TRIM33: variants seen among roughly 807,000 people sequenced by gnomAD.
TRIM33 encodes E3 ubiquitin-protein ligase TRIM33.
In TRIM33, 20 loss-of-function variants were observed where a neutral mutation model predicts 125.4. That is an observed-to-expected ratio of 0.16 (90% confidence interval 0.11 to 0.23). The LOEUF is 0.23. Ranked by LOEUF, TRIM33 falls within the 10% of genes least tolerant of loss-of-function variation. The pLI is 1.00. For missense variants in TRIM33, 920 were observed against 1,411.4 expected (o/e 0.65, Z 5.58); for synonymous variants, 564 against 513.9 (o/e 1.10, Z -1.32).
chr1:114,452,391 C>A (rs1015996578), intron 4 of TRIM33, among the ~76,000 whole-genome samples: 1 of 151,946 alleles, frequency 6.6e-6, no homozygotes, highest in East Asian at 1.9e-4. Flanking sequence ...AACCGGGAGG[C>A]GGAGGTTGCA....
intron 1 of TRIM33, among the ~76,000 whole-genome samples, chr1:114,494,299 G>A (rs1297617913): frequency 6.6e-6 from 1 of 152,042 alleles, no homozygotes; most frequent in Non-Finnish European, 1.5e-5. Flanking sequence ...TTCTGCCACT[G>A]AATGGATCTG....
chr1:114,402,105 A>G (rs1205104113), intron 16 of TRIM33, among the ~76,000 whole-genome samples: 1 of 152,198 alleles, frequency 6.6e-6, no homozygotes, highest in Non-Finnish European at 1.5e-5. Context: ...CCACACGACA[A>G]TGCAAAAGAG....
In TRIM33 at chr1:114,434,089, G is replaced by C. The variant is rs946186382; in HGVS notation, c.924-356C>G. Among the ~76,000 whole-genome samples the C allele has an allele frequency of 2.6e-5, 4 of 152,152 alleles. No individual in the cohort carries two copies. In the South Asian group the frequency reaches 8.3e-4, roughly 32 times the overall value. On this transcript the variant is annotated intron_variant, in intron 4 of 19. Coordinates refer to ENST00000358465, the MANE Select transcript of TRIM33 (RefSeq NM_015906.4). ...TTATAGAAAATACTATAAAAGGAAGGGAAATCACCCATAGTTCCAACATCA... is the reference window on the plus strand; with the variant it reads ...TTATAGAAAATACTATAAAAGGAAGCGAAATCACCCATAGTTCCAACATCA...
chr1:114,495,416 C>A (rs1316594044), intron 1 of TRIM33, among the ~76,000 whole-genome samples: 1 of 152,106 alleles, frequency 6.6e-6, no homozygotes, highest in African/African-American at 2.4e-5. Flanking sequence ...AATATTATCA[C>A]CCTGAAATAA....
chr1:114,413,512 C>T (rs1384069548), intron 11 of TRIM33, among the ~76,000 whole-genome samples: 2 of 139,596 alleles, frequency 1.4e-5, no homozygotes, highest in African/African-American at 5.4e-5. Flanking sequence ...GAGTCAAGAT[C>T]GTGCTATTGC....
Position 114,397,773 on chromosome 1 carries a change from C to A in TRIM33, c.3259G>T (p.Ala1087Ser), listed in dbSNP as rs939382474. ...TCCTGCTCAAACTCTGGCAAAGGTG[C>A]GAAGGTCCTGTCTGAGTAGATCTCT... ...LTEIYSDRTF[A>S]PLPEFEQEED... Residue 1087 changes from alanine to serine, a missense_variant, in exon 20 of 20, where the codon GCA (alanine) becomes TCA (serine). Transcript: ENST00000358465. 6.2e-7 allele frequency: 1 copy of A among 1,613,708 alleles called. No individual in the cohort carries two copies. The highest frequency in any genetic ancestry group is 8.5e-7 in the Non-Finnish European group (1 of 1,179,870).
At chr1:114,476,001 AAAT>A (rs1650956014) in intron 1 of TRIM33, among the ~76,000 whole-genome samples, 1 of 152,172 alleles carries the variant, frequency 6.6e-6, no homozygotes, top group South Asian at 2.1e-4. Flanking sequence ...CTCTGTCTCA[AAAT>A]AATAATACGG....
At chr1:114,456,630 C>T (rs1465033496) in intron 4 of TRIM33, among the ~76,000 whole-genome samples, 1 of 152,124 alleles carries the variant, frequency 6.6e-6, no homozygotes, top group African/African-American at 2.4e-5. Flanking sequence ...CACAATTTGC[C>T]TTTGAGTGGG....
At chr1:114,468,382 T>G (rs1438702883) in intron 1 of TRIM33, 2 of 328,330 alleles carry the variant, frequency 6.1e-6, no homozygotes, top group Non-Finnish European at 1.2e-5. Context: ...GCAGCAGTCC[T>G]TTAGTTAGAG....
In TRIM33 at chr1:114,452,438, AAC is replaced by A. The variant is rs201962697; in HGVS notation, c.923+10664_923+10665del. Among the ~76,000 whole-genome samples the A allele has an allele frequency of 9.7e-3, 1,474 of 151,834 alleles. 19 individuals carry two copies. Among genetic ancestry groups the A allele is most frequent in the African/African-American group, 0.025 (1,047 of 41,400 alleles). ...TCACGCCACTACACTCCAGCCTGGC[AAC>A]AGAGTGAGACTCTGTCTCAAAAAAG... On this transcript the variant is annotated intron_variant, in intron 4 of 19. Transcript: ENST00000358465.
At chr1:114,433,254 A>T (rs1367571807) in intron 5 of TRIM33, among the ~76,000 whole-genome samples, 11 of 152,212 alleles carry the variant, frequency 7.2e-5, no homozygotes, top group Non-Finnish European at 5.9e-5. Context: ...CTTGTTTTAC[A>T]AATGGGGAAA....
intron 12 of TRIM33, among the ~76,000 whole-genome samples, chr1:114,409,630 T>A (rs963718762): frequency 1.8e-4 from 28 of 152,274 alleles, no homozygotes; most frequent in Non-Finnish European, 8.8e-5. Flanking sequence ...TATATTAATA[T>A]GGCTTCAGTT....
At chr1:114,439,525 G>A (rs1221733245) in intron 4 of TRIM33, among the ~76,000 whole-genome samples, 1 of 109,960 alleles carries the variant, frequency 9.1e-6, no homozygotes, top group African/African-American at 3.3e-5. Context: ...TACCCAAAAT[G>A]AAGCCCTCCA....
In TRIM33 at chr1:114,476,232, C is replaced by T. The variant is rs755003059; in HGVS notation, c.527-11844G>A. The stretch of plus-strand genomic sequence containing the variant: ...CAAAAACAAATAAGAAAAAAAAAAA[C>T]CTTTCAATTAAAAAGATACTGAATT... On this transcript the variant is annotated intron_variant, in intron 1 of 19. Coordinates refer to ENST00000358465, the MANE Select transcript of TRIM33 (RefSeq NM_015906.4). Among the ~76,000 whole-genome samples, 115 of 148,738 alleles carry T rather than the reference C, an allele frequency of 7.7e-4. 2 individuals are homozygous for T. The highest frequency in any genetic ancestry group is 1.1e-3 in the Non-Finnish European group (73 of 67,118).
chr1:114,426,693 T>C (rs1368027214), intron 8 of TRIM33, among the ~76,000 whole-genome samples: 1 of 152,178 alleles, frequency 6.6e-6, no homozygotes, highest in African/African-American at 2.4e-5. Flanking sequence ...TTTAGGTCCA[T>C]ACTACGCTGT....
intron 1 of TRIM33, among the ~76,000 whole-genome samples, chr1:114,474,603 G>T (rs1433401769): frequency 1.5e-5 from 2 of 131,354 alleles, no homozygotes; most frequent in East Asian, 4.2e-4. Flanking sequence ...AAAAAAAAAG[G>T]CCAGGGGCAG....
chr1:114,397,923 TG>T lies in TRIM33; in HGVS notation c.3171+16del, dbSNP rs1400959996. 1.2e-6 allele frequency: 2 copies of T among 1,613,956 alleles called. No homozygotes were observed. The highest frequency in any genetic ancestry group is 2.2e-5 in the East Asian group (1 of 44,878). ...TGCATATTCCTTCACCAAGTTTGCA[TG>T]GTCTGAAAAGCTTACCTTCAAATTA... On this transcript the variant is annotated intron_variant, in intron 19 of 19. Coordinates refer to ENST00000358465, the MANE Select transcript of TRIM33 (RefSeq NM_015906.4).
chr1:114,494,707 G>A (rs1438051665), intron 1 of TRIM33, among the ~76,000 whole-genome samples: 3 of 152,154 alleles, frequency 2.0e-5, no homozygotes, highest in Non-Finnish European at 4.4e-5. Context: ...AAAGATGTTG[G>A]ACTTTACCGG....
chr1:114,448,503 C>T (rs1649127321), intron 4 of TRIM33, among the ~76,000 whole-genome samples: 1 of 152,128 alleles, frequency 6.6e-6, no homozygotes, highest in South Asian at 2.1e-4. Context: ...TATCATTATG[C>T]TAGAATGTGT....
Sources: gnomAD v4.1 joint callset for allele counts (sites outside exome capture counted in the v4.1 genomes callset) on GRCh38, gnomAD v4.1.1 for gene constraint, MANE v1.5 for transcripts, NCBI Gene and HGNC (gene_info 2026-07-23, HGNC 2026-07-21) for gene names.